CSMD1: variants seen among roughly 807,000 people sequenced by gnomAD.
CSMD1 encodes the protein CUB and Sushi multiple domains 1, also known as CUB and sushi domain-containing protein 1.
A neutral mutation model predicts 417.5 loss-of-function variants in CSMD1; 213 were observed. The observed-to-expected ratio is 0.51, with a 90% CI of 0.46 to 0.57. The LOEUF is 0.57. CSMD1 is among the 20% of genes least tolerant of loss of function. The pLI, the probability that CSMD1 is intolerant of heterozygous loss-of-function variation, is 0.00. For synonymous variants in CSMD1, 2,862 were observed against 1,736.8 expected (o/e 1.65, Z -16.11); for missense variants, 6,923 against 4,529.7 (o/e 1.53, Z -15.17).
intron 3 of CSMD1, among the ~76,000 whole-genome samples, chr8:4,236,396 C>T (rs975588262): frequency 2.0e-5 from 3 of 152,114 alleles, no homozygotes; most frequent in African/African-American, 7.2e-5. Flanking sequence ...CGAGACGAAG[C>T]ACCCACTCTA....
intron 1 of CSMD1, among the ~76,000 whole-genome samples, chr8:4,670,497 C>A (rs778233385): frequency 6.6e-6 from 1 of 152,140 alleles, no homozygotes; most frequent in Non-Finnish European, 1.5e-5. Context: ...CACTTGAATT[C>A]ATTATTATAA....
At chr8:4,045,354 C>T (rs1178766618) in intron 3 of CSMD1, among the ~76,000 whole-genome samples, 7 of 152,124 alleles carry the variant, frequency 4.6e-5, no homozygotes, top group African/African-American at 9.7e-5. Context: ...TATGAGCAGA[C>T]GAACGGTTTC....
chr8:4,666,623 T>C (rs144675967), intron 1 of CSMD1, among the ~76,000 whole-genome samples: 1 of 152,284 alleles, frequency 6.6e-6, no homozygotes, highest in East Asian at 1.9e-4. Flanking sequence ...TTGTGGTAAC[T>C]TATTATATAA....
chr8:3,115,506 AC>A (rs1038274214), intron 42 of CSMD1, among the ~76,000 whole-genome samples: 1 of 151,518 alleles, frequency 6.6e-6, no homozygotes, highest in African/African-American at 2.4e-5. Flanking sequence ...CCGGCCTAAA[AC>A]CCCCACCTTT....
intron 3 of CSMD1, among the ~76,000 whole-genome samples, chr8:4,369,931 C>G (rs996809472): frequency 1.3e-5 from 2 of 152,168 alleles, no homozygotes; most frequent in African/African-American, 2.4e-5. Flanking sequence ...TAAAGTTAGA[C>G]ATTTAACCCA....
chr8:3,530,034 G>A (rs7016115), intron 10 of CSMD1, among the ~76,000 whole-genome samples: 112,725 of 152,052 alleles, frequency 0.74, 41,933 homozygotes, highest in East Asian at 0.98. Flanking sequence ...AGAATGAGCC[G>A]TGAGTATACA....
At chr8:4,963,713 A>T (rs1375400743) in intron 1 of CSMD1, among the ~76,000 whole-genome samples, 2 of 152,176 alleles carry the variant, frequency 1.3e-5, no homozygotes, top group East Asian at 3.9e-4. Context: ...CTCTTCTTTG[A>T]CCATACAATT....
intron 2 of CSMD1, among the ~76,000 whole-genome samples, chr8:4,478,424 G>C (rs932086564): frequency 6.6e-6 from 1 of 152,106 alleles, no homozygotes; most frequent in Non-Finnish European, 1.5e-5. Context: ...TATATATCTT[G>C]TCAGTAAGTC....
intron 49 of CSMD1, among the ~76,000 whole-genome samples, chr8:3,064,393 C>T (rs1297734629): frequency 6.6e-6 from 1 of 152,094 alleles, no homozygotes; most frequent in Admixed American, 6.6e-5. Flanking sequence ...CCTCCTGCTG[C>T]CATGTGAAGA....
chr8:4,838,263 G>C (rs750145991), intron 1 of CSMD1, among the ~76,000 whole-genome samples: 1 of 152,302 alleles, frequency 6.6e-6, no homozygotes, highest in South Asian at 2.1e-4. Flanking sequence ...GACTGAGCAA[G>C]TAGTGTCAAA....
At chr8:2,960,402 T>A (rs544838332) in intron 62 of CSMD1, among the ~76,000 whole-genome samples, 2 of 152,162 alleles carry the variant, frequency 1.3e-5, no homozygotes, top group African/African-American at 2.4e-5. Flanking sequence ...AGGAAGAAGG[T>A]TTTTTATTCT....
intron 5 of CSMD1, among the ~76,000 whole-genome samples, chr8:3,874,687 C>A (rs1293694521): frequency 6.6e-6 from 1 of 152,106 alleles, no homozygotes; most frequent in Non-Finnish European, 1.5e-5. Flanking sequence ...GAAAACTCTG[C>A]AAGTCCCTCC....
intron 10 of CSMD1, among the ~76,000 whole-genome samples, chr8:3,556,205 T>C (rs979438762): frequency 6.6e-6 from 1 of 151,754 alleles, no homozygotes; most frequent in Non-Finnish European, 1.5e-5. Context: ...ATGAAGACTT[T>C]TGTTTGTTAC....
intron 1 of CSMD1, among the ~76,000 whole-genome samples, chr8:4,799,907 A>G (rs1798183846): frequency 6.6e-6 from 1 of 152,174 alleles, no homozygotes; most frequent in Non-Finnish European, 1.5e-5. Context: ...GGTAAAATGA[A>G]CTATGCATGC....
At chr8:4,674,056 T>G (rs552083664) in intron 1 of CSMD1, among the ~76,000 whole-genome samples, 5 of 152,336 alleles carry the variant, frequency 3.3e-5, no homozygotes, top group African/African-American at 1.2e-4. Context: ...TTATTAAAAT[T>G]CTAAATGGAG....
At chr8:3,230,459 A>G (rs181347381) in intron 26 of CSMD1, among the ~76,000 whole-genome samples, 11 of 151,734 alleles carry the variant, frequency 7.2e-5, no homozygotes, top group African/African-American at 2.2e-4. Context: ...TGAAAATGCA[A>G]CCAATGATGA....
At chr8:3,750,220 A>G (rs1377531902) in intron 6 of CSMD1, among the ~76,000 whole-genome samples, 1 of 152,162 alleles carries the variant, frequency 6.6e-6, no homozygotes, top group East Asian at 1.9e-4. Flanking sequence ...ACAAATGACC[A>G]TAAATGATAA....
chr8:4,321,252 GC>G (rs1799257926), intron 3 of CSMD1, among the ~76,000 whole-genome samples: 1 of 152,080 alleles, frequency 6.6e-6, no homozygotes, highest in Non-Finnish European at 1.5e-5. Context: ...AGTCCCTGTG[GC>G]CCACTGATCA....
At chr8:3,565,209 G>C (rs558980033) in intron 10 of CSMD1, among the ~76,000 whole-genome samples, 2 of 129,316 alleles carry the variant, frequency 1.5e-5, no homozygotes, top group South Asian at 2.7e-4. Flanking sequence ...CAGATAGATA[G>C]ATAGAGAGAT....
Sources: gnomAD v4.1 joint callset for allele counts (sites outside exome capture counted in the v4.1 genomes callset) on GRCh38, gnomAD v4.1.1 for gene constraint, MANE v1.5 for transcripts, NCBI Gene and HGNC (gene_info 2026-07-23, HGNC 2026-07-21) for gene names.